The following CDH19 variants were observed in gnomAD, a reference collection of about 807,000 sequenced individuals.
The protein encoded by CDH19 is cadherin-19.
In CDH19, 67 loss-of-function variants were observed where a neutral mutation model predicts 64.2. The observed-to-expected ratio is 1.04, with a 90% CI of 0.86 to 1.28. CDH19 has a LOEUF of 1.28. CDH19 is among the 50% of genes most tolerant of loss of function. CDH19 has a pLI of 0.00. For missense variants in CDH19, 1,030 were observed against 929.0 expected (o/e 1.11, Z -1.41); for synonymous variants, 346 against 319.3 (o/e 1.08, Z -0.89).
chr18:66,563,591 A>T (rs927433231), intron 3 of CDH19, among the ~76,000 whole-genome samples: 30 of 152,026 alleles, frequency 2.0e-4, no homozygotes, highest in African/African-American at 6.0e-4. Context: ...AATACATGAC[A>T]TAAGAGTTGT....
At position 66,568,527 on chromosome 18, in the gene CDH19, C is replaced by A; in HGVS notation, c.379G>T (p.Ala127Ser). Residue 127 changes from alanine to serine, a missense_variant, in exon 3 of 12, where the codon GCT becomes TCT. Coordinates refer to ENST00000262150, the MANE Select transcript of CDH19 (RefSeq NM_021153.4). ...AQVIDIATGR[A>S]VEPESEFVIK... ...ACAAACTCAGACTCAGGTTCCACAG[C>A]CCTTCCAGTAGCGATGTCTATTACC... is the stretch of plus-strand genomic sequence containing the variant. 6.2e-7 allele frequency: 1 copy of A among 1,612,368 alleles called. No homozygotes were observed. The highest frequency in any genetic ancestry group is 1.1e-5 in the South Asian group (1 of 91,044).
At chr18:66,522,666 TTTC>T (rs1280182081) in intron 9 of CDH19, among the ~76,000 whole-genome samples, 3 of 151,474 alleles carry the variant, frequency 2.0e-5, no homozygotes, top group Admixed American at 2.0e-4. Flanking sequence ...ATATATATTT[TTTC>T]TTCTTTTTGG....
chr18:66,582,799 A>T (rs1046534072), intron 1 of CDH19, among the ~76,000 whole-genome samples: 3 of 151,998 alleles, frequency 2.0e-5, no homozygotes, highest in African/African-American at 4.8e-5. Context: ...GTGCCATTTC[A>T]TTTTTGGGCT....
chr18:66,566,353 C>T (rs563900333), intron 3 of CDH19, among the ~76,000 whole-genome samples: 2 of 127,230 alleles, frequency 1.6e-5, no homozygotes, highest in Non-Finnish European at 3.2e-5. Context: ...TAATATTATT[C>T]TCTGGAATCA....
intron 7 of CDH19, among the ~76,000 whole-genome samples, chr18:66,538,912 A>G (rs1222807202): frequency 2.0e-5 from 3 of 152,094 alleles, no homozygotes; most frequent in Non-Finnish European, 4.4e-5. Context: ...GATTAAAAAC[A>G]TACCTGCTCA....
At chr18:66,584,342 C>T (rs1360569804) in intron 1 of CDH19, among the ~76,000 whole-genome samples, 2 of 151,936 alleles carry the variant, frequency 1.3e-5, no homozygotes, top group Non-Finnish European at 2.9e-5. Context: ...TCAAAAATAA[C>T]AGATGCTGGT....
intron 1 of CDH19, among the ~76,000 whole-genome samples, chr18:66,585,635 A>T (rs1988555607): frequency 6.6e-6 from 1 of 152,136 alleles, no homozygotes; most frequent in Admixed American, 6.6e-5. Flanking sequence ...GGTGAATAAT[A>T]AGCATCTAGT....
Position 66,502,165 on chromosome 18 carries a change from T to C in CDH19, c.*2647A>G, listed in dbSNP as rs1984972817. On this transcript the variant is annotated 3_prime_UTR_variant, in exon 12 of 12. Transcript: ENST00000262150. ...CAAAACATAAAATAATTATTGAATA[T>C]AATACAAAGTATAATTCCTAGGAAG... The C allele has an allele frequency of 1.3e-5, 2 of 152,114 alleles. No individual in the cohort carries two copies. Among genetic ancestry groups the C allele is most frequent in the Non-Finnish European group, 2.9e-5 (2 of 68,004 alleles). 9.4% of individuals were successfully genotyped at this position (152,114 alleles called of 1,614,324 possible). A position where few individuals can be genotyped will look rare whatever the true frequency, so the allele number is the denominator to read the frequency against.
intron 8 of CDH19, among the ~76,000 whole-genome samples, chr18:66,530,255 G>T (rs1432950393): frequency 1.3e-5 from 2 of 151,798 alleles, no homozygotes; most frequent in African/African-American, 2.4e-5. Flanking sequence ...GTAAAATAAG[G>T]GTATACGGAG....
intron 11 of CDH19, 43 bp downstream of exon 11, chr18:66,508,952 G>A (rs752556700): frequency 1.3e-6 from 2 of 1,583,820 alleles, no homozygotes; most frequent in South Asian, 1.1e-5. Flanking sequence ...TACCAAATAT[G>A]ATCATAATGC....
At chr18:66,577,663 C>A (rs1422434059) in intron 1 of CDH19, among the ~76,000 whole-genome samples, 2 of 151,854 alleles carry the variant, frequency 1.3e-5, no homozygotes, top group African/African-American at 4.8e-5. Flanking sequence ...TAAATTGGAC[C>A]ATATCAAAAT....
intron 9 of CDH19, among the ~76,000 whole-genome samples, chr18:66,526,666 G>A (rs963364827): frequency 1.3e-4 from 20 of 151,920 alleles, no homozygotes; most frequent in Non-Finnish European, 2.6e-4. Context: ...CAAGATACTT[G>A]TCTTGGACAT....
chr18:66,572,451 A>T lies in CDH19; in HGVS notation c.-112-135T>A, dbSNP rs1599026606. On this transcript the variant is annotated intron_variant, in intron 1 of 11. Coordinates refer to ENST00000262150, the MANE Select transcript of CDH19 (RefSeq NM_021153.4). The stretch of plus-strand genomic sequence containing the variant: ...AAACATTTAATTTATCTTCCAATTA[A>T]GCTGGCTAATTATGATTTGTAGCTC... 9.4e-6 allele frequency: 3 copies of T among 317,834 alleles called. No individual in the cohort carries two copies. The East Asian group carries it at 1.5e-4, about 16-fold the overall frequency. 19.7% of individuals were successfully genotyped at this position (317,834 alleles called of 1,614,324 possible). A position where few individuals can be genotyped will look rare whatever the true frequency, so the allele number is the denominator to read the frequency against.
intron 1 of CDH19, among the ~76,000 whole-genome samples, chr18:66,582,516 T>G (rs1483265665): frequency 6.6e-6 from 1 of 151,892 alleles, no homozygotes; most frequent in Non-Finnish European, 1.5e-5. Context: ...GCCAAAAATT[T>G]TAATAACCCA....
At chr18:66,565,624 A>T (rs1441927763) in intron 3 of CDH19, among the ~76,000 whole-genome samples, 2 of 151,982 alleles carry the variant, frequency 1.3e-5, no homozygotes, top group African/African-American at 4.8e-5. Flanking sequence ...GTATTCATTA[A>T]TTTAATACTG....
chr18:66,527,047 ATGTGTGTG>A (rs71169151), intron 9 of CDH19, among the ~76,000 whole-genome samples: 4 of 145,000 alleles, frequency 2.8e-5, no homozygotes, highest in South Asian at 2.1e-4. Flanking sequence ...ATATATATAT[ATGTGTGTG>A]TGTGTGTGTG....
At chr18:66,510,161 A>T (rs1018748739) in intron 10 of CDH19, among the ~76,000 whole-genome samples, 1 of 151,842 alleles carries the variant, frequency 6.6e-6, no homozygotes, top group Non-Finnish European at 1.5e-5. Context: ...CAGTAAAAGG[A>T]AAATAAAAGC....
Position 66,511,652 on chromosome 18 carries a change from C to A in CDH19, c.1492G>T (p.Glu498Ter). 6.4e-7 allele frequency: 1 copy of A among 1,572,988 alleles called. No homozygotes were observed. The highest frequency in any genetic ancestry group is 1.1e-5 in the South Asian group (1 of 90,038). Residue 498 changes from glutamate to a stop codon, truncating the protein, a stop_gained, in exon 10 of 12, where the codon GAA becomes TAA. Transcript: ENST00000262150. LOFTEE classifies it high-confidence loss of function. ...TAAAAATGGTGCTCTTCTATGGATT[C>A]ATCTCTATCCACTGCACTGATAGTC... ...IQTISAVDRD[E>*]SIEEHHFYFN... is the part of the protein sequence containing the mutation.
intron 5 of CDH19, 44 bp from the exon 6 acceptor site, chr18:66,544,947 T>C (rs1226736788): frequency 4.5e-6 from 6 of 1,333,866 alleles, no homozygotes; most frequent in Non-Finnish European, 6.1e-6. Flanking sequence ...ATACTTAATA[T>C]AGACAACTTG....
Sources: allele counts gnomAD v4.1 joint callset (sites outside exome capture counted in the v4.1 genomes callset), GRCh38; gene constraint gnomAD v4.1.1; transcripts MANE v1.5; gene names NCBI Gene and HGNC (gene_info 2026-07-23, HGNC 2026-07-21).